The following PAPPA variants were observed in gnomAD, a reference collection of about 807,000 sequenced individuals.
The protein encoded by PAPPA is pappalysin 1.
Under a neutral mutation model 164.0 loss-of-function variants are expected in PAPPA, and 60 were observed. The observed-to-expected ratio is 0.37, with a 90% CI of 0.30 to 0.45. PAPPA has a LOEUF of 0.45. Ranked by LOEUF, PAPPA falls within the 20% of genes least tolerant of loss-of-function variation. The probability of loss-of-function intolerance (pLI) is 1.00; values close to 1 mark genes in which losing one functional copy is unlikely to be tolerated. For missense variants in PAPPA, 1,782 were observed against 2,087.3 expected (o/e 0.85, Z 2.85); for synonymous variants, 875 against 814.1 (o/e 1.07, Z -1.27).
intron 6 of PAPPA, among the ~76,000 whole-genome samples, chr9:116,232,246 T>C (rs1055220896): frequency 6.6e-5 from 10 of 152,134 alleles, no homozygotes; most frequent in African/African-American, 2.2e-4. Flanking sequence ...AAAACCATAG[T>C]AACCTTAACT....
chr9:116,278,861 A>G (rs1053853694), intron 9 of PAPPA, among the ~76,000 whole-genome samples: 6 of 152,226 alleles, frequency 3.9e-5, no homozygotes, highest in Non-Finnish European at 8.8e-5. Flanking sequence ...GAAAAGAATG[A>G]CATAACATCT....
intron 9 of PAPPA, among the ~76,000 whole-genome samples, chr9:116,273,321 C>A (rs1845158809): frequency 6.6e-6 from 1 of 152,172 alleles, no homozygotes; most frequent in South Asian, 2.1e-4. Context: ...AGGCCATAGC[C>A]AGCCTGCCCC....
intron 2 of PAPPA, among the ~76,000 whole-genome samples, chr9:116,206,613 A>G (rs1427225050): frequency 6.6e-6 from 1 of 152,182 alleles, no homozygotes; most frequent in Admixed American, 6.5e-5. Context: ...AGAGATTAAT[A>G]AGGCACCTCG....
Position 116,211,738 on chromosome 9 carries a change from G to A in PAPPA, c.1724G>A (p.Arg575Gln), listed in dbSNP as rs767716870. The change falls in exon 4 of 22, where the codon CGA (arginine) becomes CAA (glutamine). Residue 575 changes from arginine (R) to glutamine (Q), a missense_variant. This residue lies in a region of PAPPA where 1,324 missense variants were observed against 1,656.9 expected (regional missense o/e 0.80). Coordinates refer to ENST00000328252, the MANE Select transcript of PAPPA (RefSeq NM_002581.5). ...AGCCTGGGCCTCTATCACGTCTTCC[G>A]AGGCATCTCAGAAATCCAGTCCTGC... ...GHSLGLYHVF[R>Q]GISEIQSCSD... 9 of 1,614,024 alleles carry A rather than the reference G, an allele frequency of 5.6e-6. No homozygotes were observed. Among genetic ancestry groups the A allele is most frequent in the East Asian group, 2.2e-5 (1 of 44,870 alleles).
chr9:116,209,382 G>A (rs1844279110), intron 3 of PAPPA, among the ~76,000 whole-genome samples: 2 of 152,130 alleles, frequency 1.3e-5, no homozygotes, highest in African/African-American at 4.8e-5. Context: ...AAGACCCTAA[G>A]GATCCTTCTC....
intron 4 of PAPPA, among the ~76,000 whole-genome samples, chr9:116,216,710 G>A (rs983745921): frequency 2.0e-5 from 3 of 152,124 alleles, no homozygotes; most frequent in Admixed American, 1.3e-4. Context: ...TCCAAGTAAT[G>A]TACCTTGGGA....
intron 1 of PAPPA, among the ~76,000 whole-genome samples, chr9:116,183,680 C>T (rs752522617): frequency 8.5e-5 from 13 of 152,214 alleles, no homozygotes; most frequent in Non-Finnish European, 1.8e-4. Context: ...TCCCTCTGAA[C>T]TTGTGAAGCC....
At chr9:116,167,376 T>C (rs1340465285) in intron 1 of PAPPA, among the ~76,000 whole-genome samples, 5 of 152,240 alleles carry the variant, frequency 3.3e-5, no homozygotes, top group African/African-American at 1.2e-4. Context: ...GTATTATTTT[T>C]ATTAAGTATT....
At chr9:116,370,678 T>C (rs549900154) in intron 19 of PAPPA, among the ~76,000 whole-genome samples, 1 of 152,232 alleles carries the variant, frequency 6.6e-6, no homozygotes, top group African/African-American at 2.4e-5. Context: ...CCAGCTGTGG[T>C]CCACCACCGA....
At chr9:116,351,760 A>G (rs768905448) in intron 15 of PAPPA, among the ~76,000 whole-genome samples, 1 of 152,220 alleles carries the variant, frequency 6.6e-6, no homozygotes, top group African/African-American at 2.4e-5. Context: ...ATTGCATATC[A>G]GAAGCACTCG....
intron 13 of PAPPA, among the ~76,000 whole-genome samples, chr9:116,338,174 GA>G (rs1846085834): frequency 6.6e-6 from 1 of 151,936 alleles, no homozygotes; most frequent in African/African-American, 2.4e-5. Flanking sequence ...CATGTATTTA[GA>G]AAAGTAACTT....
intron 9 of PAPPA, among the ~76,000 whole-genome samples, chr9:116,284,057 C>CT (rs935407904): frequency 1.3e-5 from 2 of 152,202 alleles, no homozygotes; most frequent in Non-Finnish European, 2.9e-5. Flanking sequence ...ATCACATAGG[C>CT]TTTTATTTAT....
In PAPPA at chr9:116,153,875, T is replaced by A; in HGVS notation, c.-298T>A. On this transcript the variant is annotated 5_prime_UTR_variant, in exon 1 of 22. The change abolishes an upstream ATG in the 5' untranslated region. Coordinates refer to ENST00000328252, the MANE Select transcript of PAPPA (RefSeq NM_002581.5). ...GAGCGAGAAATCATATAAAATAAAATGAAATAAAACAAGGAGGAAGGCAAC... is the reference window on the plus strand; with the variant it reads ...GAGCGAGAAATCATATAAAATAAAAAGAAATAAAACAAGGAGGAAGGCAAC... 5.9e-6 allele frequency: 1 copy of A among 170,856 alleles called. No homozygotes were observed. Among genetic ancestry groups the A allele is most frequent in the East Asian group, 1.7e-4 (1 of 6,036 alleles). The allele number at this position is 170,856 out of a possible 1,614,324, so 10.6% of individuals were successfully genotyped here. A position where few individuals can be genotyped will look rare whatever the true frequency, so the allele number is the denominator to read the frequency against.
intron 6 of PAPPA, among the ~76,000 whole-genome samples, chr9:116,230,440 G>C (rs1206764277): frequency 6.6e-6 from 1 of 152,136 alleles, no homozygotes; most frequent in Non-Finnish European, 1.5e-5. Context: ...GAAAGGAGGA[G>C]GATTGGACCA....
intron 15 of PAPPA, among the ~76,000 whole-genome samples, chr9:116,348,174 T>G (rs1269867103): frequency 6.6e-6 from 1 of 151,852 alleles, no homozygotes; most frequent in African/African-American, 2.4e-5. Context: ...GGGAAATATC[T>G]CTCTATTTCC....
chr9:116,267,595 C>A lies in PAPPA; in HGVS notation c.2861+1610C>A, dbSNP rs769385670. On this transcript the variant is annotated intron_variant, in intron 8 of 21. Coordinates refer to ENST00000328252, the MANE Select transcript of PAPPA (RefSeq NM_002581.5). ...AGTTTTTAAAATAAGAAATGGCGGCCGGGTGCGGTGGCTCACGCCTGTAAT... is the reference window on the plus strand; with the variant it reads ...AGTTTTTAAAATAAGAAATGGCGGCAGGGTGCGGTGGCTCACGCCTGTAAT... 9.2e-5 allele frequency among the ~76,000 whole-genome samples: 14 copies of A among 152,216 alleles called. No individual in the cohort carries two copies. In the East Asian group the frequency reaches 2.5e-3, roughly 27 times the overall value.
intron 21 of PAPPA, among the ~76,000 whole-genome samples, chr9:116,392,613 C>A (rs544228282): frequency 6.6e-6 from 1 of 152,198 alleles, no homozygotes; most frequent in South Asian, 2.1e-4. Flanking sequence ...AAATCTCCAC[C>A]CTTTTCTTCT....
At position 116,332,419 on chromosome 9, in the gene PAPPA, G is replaced by T; in HGVS notation, c.3348G>T (p.Glu1116Asp). 6.2e-7 allele frequency: 1 copy of T among 1,614,026 alleles called. No individual in the cohort carries two copies. The highest frequency in any genetic ancestry group is 8.5e-7 in the Non-Finnish European group (1 of 1,179,886). Residue 1116 changes from glutamate to aspartate, a missense_variant, in exon 12 of 22, where the codon GAG becomes GAT. Glu to Asp is a conservative substitution (Grantham distance 45). Transcript: ENST00000328252. ...CATATTATGGGGACCAAAAGCAGGA[G>T]ACCATCAGCGTGCAGCTGCTTGATA... Reference protein sequence around the residue: ...DGTYYGDQKQETISVQLLDTK... With the variant: ...DGTYYGDQKQDTISVQLLDTK...
chr9:116,225,671 A>G (rs189106476), intron 5 of PAPPA, among the ~76,000 whole-genome samples: 7 of 152,324 alleles, frequency 4.6e-5, no homozygotes, highest in Admixed American at 4.6e-4. Flanking sequence ...CTGAATATTA[A>G]TATTAGTGTG....
Sources: gnomAD v4.1 joint callset for allele counts (sites outside exome capture counted in the v4.1 genomes callset) on GRCh38, gnomAD v4.1.1 for gene constraint, gnomAD v4.1.1 regional missense constraint, MANE v1.5 for transcripts, NCBI Gene and HGNC (gene_info 2026-07-23, HGNC 2026-07-21) for gene names.